SELENOT: variants seen among roughly 807,000 people sequenced by gnomAD.
The protein encoded by SELENOT is thioredoxin reductase-like selenoprotein T.
SELENOT carries 9 observed loss-of-function variants against 24.3 expected under a neutral mutation model. The observed-to-expected ratio is 0.37, with a 90% CI of 0.22 to 0.65. The LOEUF is 0.65. Ranked by LOEUF, SELENOT falls within the 30% of genes least tolerant of loss-of-function variation. The probability of loss-of-function intolerance (pLI) is 0.60; values close to 1 mark genes in which losing one functional copy is unlikely to be tolerated. For missense variants in SELENOT, 166 were observed against 247.6 expected (o/e 0.67, Z 2.21); for synonymous variants, 81 against 86.0 (o/e 0.94, Z 0.32).
At chr3:150,609,755 C>G (rs953921765) in intron 1 of SELENOT, among the ~76,000 whole-genome samples, 1 of 152,158 alleles carries the variant, frequency 6.6e-6, no homozygotes, top group African/African-American at 2.4e-5. Context: ...ATTTGGTTCT[C>G]CCTTTGGGAT....
rs1726528548 is a variant in SELENOT, at chr3:150,630,235, A to C, written c.*2606A>C. Reference sequence around the variant, plus strand: ...TACTTTGAATGTTAATTAGTTTGGGACTTTGATTGGCTGGCAAACATTTTA... The same window carrying C: ...TACTTTGAATGTTAATTAGTTTGGGCCTTTGATTGGCTGGCAAACATTTTA... On this transcript the variant is annotated 3_prime_UTR_variant, in exon 6 of 6. Transcript: ENST00000471696. 1 of 152,158 alleles carries C rather than the reference A, an allele frequency of 6.6e-6. No individual in the cohort carries two copies. Among genetic ancestry groups the C allele is most frequent in the South Asian group, 2.1e-4 (1 of 4,834 alleles). 9.4% of individuals were successfully genotyped at this position (152,158 alleles called of 1,614,324 possible).
intron 1 of SELENOT, among the ~76,000 whole-genome samples, chr3:150,610,401 A>G (rs977006576): frequency 2.6e-5 from 4 of 152,206 alleles, no homozygotes; most frequent in African/African-American, 7.2e-5. Context: ...TTTTTCTTCA[A>G]GTTTGCATCT....
At chr3:150,611,423 G>A in intron 1 of SELENOT, 1 of 1,256,426 alleles carries the variant, frequency 8.0e-7, no homozygotes, top group Non-Finnish European at 1.2e-6. Context: ...CTGGTTGGTG[G>A]CTTTAAGTGT....
rs1305406018 is a variant in SELENOT, at chr3:150,629,835, A to G, written c.*2206A>G. ...AAAAAGGGAAAGTAAACTATTTAGA[A>G]TGTAGTTTTGTTATATTCCCAGCAT... On this transcript the variant is annotated 3_prime_UTR_variant, in exon 6 of 6. Coordinates refer to ENST00000471696, the MANE Select transcript of SELENOT (RefSeq NM_016275.5). 1 of 152,632 alleles carries G rather than the reference A, an allele frequency of 6.6e-6. No homozygotes were observed. The highest frequency in any genetic ancestry group is 1.5e-5 in the Non-Finnish European group (1 of 68,018). 9.5% of individuals were successfully genotyped at this position (152,632 alleles called of 1,614,324 possible).
At chr3:150,607,371 G>A (rs750846520) in intron 1 of SELENOT, among the ~76,000 whole-genome samples, 31 of 152,240 alleles carry the variant, frequency 2.0e-4, no homozygotes, top group Admixed American at 9.2e-4. Context: ...ATCAAGATTA[G>A]TAGTAAAATG....
chr3:150,606,150 CTTT>C (rs34860334), intron 1 of SELENOT, among the ~76,000 whole-genome samples: 16 of 128,094 alleles, frequency 1.2e-4, no homozygotes, highest in East Asian at 2.3e-4. Context: ...TTCTTTCTTC[CTTT>C]TTTTTTTTTT....
intron 1 of SELENOT, 173 bp downstream of exon 1, chr3:150,603,672 G>A: frequency 2.8e-6 from 2 of 702,270 alleles, no homozygotes; most frequent in South Asian, 2.0e-5. Flanking sequence ...CGGTCAGGCC[G>A]CCCTCCTTTT....
chr3:150,621,385 A>T lies in SELENOT; in HGVS notation c.138-1000A>T, dbSNP rs374617841. On this transcript the variant is annotated intron_variant, in intron 1 of 5. Transcript: ENST00000471696. ...CTTTGGCTTGGTAGTAGTGGTTATC[A>T]TTTTTTTTTTCCTTGATTGACAAAG... Among the ~76,000 whole-genome samples, 51 of 149,440 alleles carry T rather than the reference A, an allele frequency of 3.4e-4. No individual in the cohort carries two copies. The South Asian group carries it at 5.3e-3, about 16-fold the overall frequency.
At chr3:150,626,886 A>T in intron 4 of SELENOT, 124 bp from the exon 5 acceptor site, 4 of 836,754 alleles carry the variant, frequency 4.8e-6, no homozygotes, top group Non-Finnish European at 7.4e-6. Context: ...GAGAGCAAGC[A>T]GTGTACTTTT....
Position 150,630,124 on chromosome 3 carries a change from T to C in SELENOT, c.*2495T>C, listed in dbSNP as rs1726525837. 1 of 152,238 alleles carries C rather than the reference T, an allele frequency of 6.6e-6. No homozygotes were observed. Among genetic ancestry groups the C allele is most frequent in the Non-Finnish European group, 1.5e-5 (1 of 68,036 alleles). 9.4% of individuals were successfully genotyped at this position (152,238 alleles called of 1,614,324 possible). A position where few individuals can be genotyped will look rare whatever the true frequency, so the allele number is the denominator to read the frequency against. The stretch of plus-strand genomic sequence containing the variant: ...CTAGAATATAAGTGATATTATTTGC[T>C]TATGACACTAACACTATTAATGACA... On this transcript the variant is annotated 3_prime_UTR_variant, in exon 6 of 6. Transcript: ENST00000471696.
chr3:150,609,670 AC>A (rs1227886924), intron 1 of SELENOT, among the ~76,000 whole-genome samples: 1 of 152,130 alleles, frequency 6.6e-6, no homozygotes, highest in African/African-American at 2.4e-5. Flanking sequence ...TCTTTTTAAC[AC>A]ATCCTCTGTC....
At chr3:150,605,638 A>AT (rs74455885) in intron 1 of SELENOT, among the ~76,000 whole-genome samples, 34,230 of 151,948 alleles carry the variant, frequency 0.23, 4,240 homozygotes, top group East Asian at 0.47. Flanking sequence ...ACCGGAGATC[A>AT]TTTTTTGTTT....
At chr3:150,626,157 G>C (rs1726441042) in intron 4 of SELENOT, among the ~76,000 whole-genome samples, 2 of 152,136 alleles carry the variant, frequency 1.3e-5, no homozygotes, top group Admixed American at 6.5e-5. Context: ...TTACAGGCGT[G>C]AGCCACCTCG....
intron 3 of SELENOT, among the ~76,000 whole-genome samples, chr3:150,623,925 A>G (rs1397831735): frequency 1.3e-5 from 2 of 151,876 alleles, no homozygotes; most frequent in South Asian, 2.1e-4. Context: ...GGAGTCTTCT[A>G]TCTGATCTTG....
rs866699905 is a variant in SELENOT at position 150,603,536 on chromosome 3, G to C, written c.137+37G>C. 7 of 1,546,082 alleles carry C rather than the reference G, an allele frequency of 4.5e-6. No individual in the cohort carries two copies. In the Middle Eastern group the frequency reaches 1.2e-3, roughly 266 times the overall value. On this transcript the variant is annotated intron_variant, in intron 1 of 5. Transcript: ENST00000471696. ...CACTGGGCCCCGGCCACCCCGCCGC[G>C]CCTCTGCTCGGCGCCATTGGCTACG... is the stretch of plus-strand genomic sequence containing the variant.
intron 1 of SELENOT, among the ~76,000 whole-genome samples, chr3:150,621,186 TGTAAG>T (rs1456476368): frequency 6.6e-6 from 1 of 152,202 alleles, no homozygotes. Context: ...TATTTAGACT[TGTAAG>T]GGACATTCAT....
chr3:150,623,694 C>T (rs1726386108), intron 3 of SELENOT, among the ~76,000 whole-genome samples: 1 of 152,016 alleles, frequency 6.6e-6, no homozygotes, highest in Non-Finnish European at 1.5e-5. Context: ...GAACTTTGTG[C>T]TGTTTCTCTT....
At chr3:150,620,851 CA>C (rs528228137) in intron 1 of SELENOT, among the ~76,000 whole-genome samples, 85 of 152,236 alleles carry the variant, frequency 5.6e-4, no homozygotes, top group African/African-American at 1.9e-3. Flanking sequence ...CAATATTAAA[CA>C]TTTTTTTATA....
intron 1 of SELENOT, among the ~76,000 whole-genome samples, chr3:150,611,026 T>TGTGTGTGTGTGTGG: frequency 6.6e-6 from 1 of 152,092 alleles, no homozygotes; most frequent in African/African-American, 2.4e-5. Context: ...TGTGTGTGTG[T>TGTGTGTGTGTGTGG]GTGTGTGTGT....
Sources: allele counts gnomAD v4.1 joint callset (sites outside exome capture counted in the v4.1 genomes callset), GRCh38; gene constraint gnomAD v4.1.1; transcripts MANE v1.5; gene names NCBI Gene and HGNC (gene_info 2026-07-23, HGNC 2026-07-21).